Variants in ZDHHC20 observed in about 807,000 individuals in gnomAD.
ZDHHC20 encodes the protein palmitoyltransferase ZDHHC20.
Under a neutral mutation model 57.8 loss-of-function variants are expected in ZDHHC20, and 43 were observed. The observed-to-expected ratio is 0.74, with a 90% CI of 0.58 to 0.96. ZDHHC20 has a LOEUF of 0.96. Among genes scored for constraint, ZDHHC20 ranks in the 40% least tolerant of loss-of-function variants. The probability of loss-of-function intolerance (pLI) is 0.00; values close to 1 mark genes in which losing one functional copy is unlikely to be tolerated. For missense variants in ZDHHC20, 391 were observed against 441.1 expected, an observed-to-expected ratio of 0.89 and a Z score of 1.02; for synonymous variants, 157 against 153.0, an observed-to-expected ratio of 1.03 and a Z score of -0.19.
At chr13:21,440,068 GAAAAAAAAAAAAAAAA>G (rs376263181) in intron 1 of ZDHHC20, among the ~76,000 whole-genome samples, 7 of 89,774 alleles carry the variant, frequency 7.8e-5, no homozygotes, top group Admixed American at 2.8e-4. Context: ...CTGTTTCTCA[GAAAAAAAAAAAAAAAA>G]AAAAAAAAAA....
At chr13:21,456,821 CCTAA>C (rs1394299479) in intron 1 of ZDHHC20, among the ~76,000 whole-genome samples, 1 of 152,164 alleles carries the variant, frequency 6.6e-6, no homozygotes, top group African/African-American at 2.4e-5. Flanking sequence ...GGGCCTCAAG[CCTAA>C]CTAAGTGATC....
At chr13:21,394,019 G>T (rs1876321238) in intron 7 of ZDHHC20, among the ~76,000 whole-genome samples, 1 of 152,212 alleles carries the variant, frequency 6.6e-6, no homozygotes. Flanking sequence ...AGCCTACCAT[G>T]TCAGCCTGTG....
Position 21,381,542 on chromosome 13 carries a change from A to T in ZDHHC20, c.952T>A (p.Ser318Thr). 1 of 1,612,334 alleles carries T rather than the reference A, an allele frequency of 6.2e-7. No homozygotes were observed. Residue 318 changes from serine (S) to threonine (T), a missense_variant, in exon 11 of 13, where the codon TCA (serine) becomes ACA (threonine). Around this residue, in one of 3 missense-constraint regions of ZDHHC20, gnomAD observed 197 missense variants for 220.8 expected, o/e 0.89. Transcript: ENST00000400590. ...NQNEYARSSG[S>T]NQPFPIKPLS... ...GGTTTGATAGGAAAAGGTTGATTTG[A>T]GCCACTACTGAAAAGAAGAGCAAAC... is the stretch of plus-strand genomic sequence containing the variant.
chr13:21,379,256 G>T (rs1221737637), intron 11 of ZDHHC20, among the ~76,000 whole-genome samples: 5 of 151,910 alleles, frequency 3.3e-5, no homozygotes, highest in Non-Finnish European at 7.4e-5. Flanking sequence ...AGTACAAATG[G>T]AGCTAAATGT....
intron 8 of ZDHHC20, among the ~76,000 whole-genome samples, chr13:21,388,542 G>A (rs570726214): frequency 6.6e-6 from 1 of 152,236 alleles, no homozygotes; most frequent in South Asian, 2.1e-4. Flanking sequence ...ATGTGAAGAT[G>A]AGAGTTTACT....
At chr13:21,443,942 C>T (rs941501073) in intron 1 of ZDHHC20, among the ~76,000 whole-genome samples, 6 of 152,158 alleles carry the variant, frequency 3.9e-5, no homozygotes, top group Non-Finnish European at 1.5e-5. Flanking sequence ...GCAGGAGGAC[C>T]ACCTGACGTC....
intron 8 of ZDHHC20, 74 bp downstream of exon 8, chr13:21,391,648 T>C: frequency 1.4e-6 from 2 of 1,480,298 alleles, no homozygotes; most frequent in Non-Finnish European, 1.8e-6. Flanking sequence ...CATCTGACCC[T>C]TGTTCTTCTC....
chr13:21,384,562 C>T (rs1874103377), intron 9 of ZDHHC20, among the ~76,000 whole-genome samples: 1 of 139,388 alleles, frequency 7.2e-6, no homozygotes, highest in African/African-American at 2.5e-5. Flanking sequence ...GAAATCTGCA[C>T]TGTGGTGTAC....
At chr13:21,454,599 TA>T (rs138548993) in intron 1 of ZDHHC20, among the ~76,000 whole-genome samples, 4,543 of 151,712 alleles carry the variant, frequency 0.03, 213 homozygotes, top group African/African-American at 0.1. Context: ...AAACCCAAAG[TA>T]AAAGAAAGGA....
At chr13:21,432,631 C>T (rs1159069741) in intron 1 of ZDHHC20, among the ~76,000 whole-genome samples, 1 of 152,118 alleles carries the variant, frequency 6.6e-6, no homozygotes, top group Non-Finnish European at 1.5e-5. Flanking sequence ...CTCTCCTGGA[C>T]AACTTTTTTG....
At chr13:21,449,236 T>A (rs545851653) in intron 1 of ZDHHC20, among the ~76,000 whole-genome samples, 280 of 152,070 alleles carry the variant, frequency 1.8e-3, no homozygotes, top group African/African-American at 6.0e-3. Flanking sequence ...TTAAAAAAAA[T>A]AAATAAATAA....
intron 7 of ZDHHC20, among the ~76,000 whole-genome samples, chr13:21,392,693 C>A (rs1203314127): frequency 1.3e-5 from 2 of 152,098 alleles, no homozygotes; most frequent in Non-Finnish European, 2.9e-5. Context: ...TAAAATAAAC[C>A]ATATAGGCAA....
At chr13:21,401,435 T>A (rs1411055574) in intron 6 of ZDHHC20, among the ~76,000 whole-genome samples, 1 of 152,252 alleles carries the variant, frequency 6.6e-6, no homozygotes, top group Non-Finnish European at 1.5e-5. Context: ...GGAATTTTAA[T>A]GTTAATTCTT....
In ZDHHC20 at chr13:21,402,866, G is replaced by T; in HGVS notation, c.371C>A (p.Thr124Asn). 1 of 1,587,114 alleles carries T rather than the reference G, an allele frequency of 6.3e-7. No homozygotes were observed. The highest frequency in any genetic ancestry group is 1.8e-5 in the Admixed American group (1 of 55,898). Residue 124 changes from threonine (T) to asparagine (N), a missense_variant and splice_region_variant, in exon 5 of 13, where the codon ACT (threonine) becomes AAT (asparagine). By Grantham distance (65) the Thr-to-Asn change is moderately conservative. Transcript: ENST00000400590. Reference sequence around the variant, plus strand: ...CTGACATTTTTCACAATATCTGATAGCTACATGAAAGAAGTAAAAGGAAGA... The same window carrying T: ...CTGACATTTTTCACAATATCTGATATCTACATGAAAGAAGTAAAAGGAAGA... The part of the protein sequence containing the change: ...LPIYTTSASK[T>N]IRYCEKCQLI...
At chr13:21,397,275 G>C (rs1022076354) in intron 7 of ZDHHC20, among the ~76,000 whole-genome samples, 1 of 151,466 alleles carries the variant, frequency 6.6e-6, no homozygotes, top group Non-Finnish European at 1.5e-5. Flanking sequence ...GCAGTGAGCC[G>C]AGATTGTGCC....
rs1480996265 is a variant in ZDHHC20, at chr13:21,414,044, AC to A, written c.250-273del. The stretch of plus-strand genomic sequence containing the variant: ...TTTTCACAAATAAAATTAAATTTCT[AC>A]ACAGGAAAGGCTTAATATATAGTCT... On this transcript the variant is annotated intron_variant, in intron 3 of 12. Transcript: ENST00000400590. 3.9e-5 allele frequency among the ~76,000 whole-genome samples: 6 copies of A among 152,272 alleles called. 1 individual carries two copies. In the South Asian group the frequency reaches 1.0e-3, roughly 26 times the overall value.
intron 1 of ZDHHC20, among the ~76,000 whole-genome samples, chr13:21,445,458 C>T (rs557661264): frequency 3.3e-5 from 5 of 152,130 alleles, no homozygotes; most frequent in Non-Finnish European, 4.4e-5. Flanking sequence ...AGACACACAA[C>T]GGGCATACAA....
chr13:21,378,320 A>G (rs1005765757), intron 12 of ZDHHC20, among the ~76,000 whole-genome samples: 1 of 152,146 alleles, frequency 6.6e-6, no homozygotes, highest in African/African-American at 2.4e-5. Context: ...TTGAACTCCC[A>G]AAGTGCTGGA....
At chr13:21,406,330 CACATCTA>C (rs1473707995) in intron 4 of ZDHHC20, among the ~76,000 whole-genome samples, 12 of 152,200 alleles carry the variant, frequency 7.9e-5, no homozygotes, top group African/African-American at 2.7e-4. Flanking sequence ...CTTACTCCTG[CACATCTA>C]ATTGACTCTA....
Sources: allele counts gnomAD v4.1 joint callset (sites outside exome capture counted in the v4.1 genomes callset), GRCh38; gene constraint gnomAD v4.1.1; regional missense constraint gnomAD v4.1.1; transcripts MANE v1.5; gene names NCBI Gene and HGNC (gene_info 2026-07-23, HGNC 2026-07-21).